The following HOMER1 variants were observed in gnomAD, a reference collection of about 807,000 sequenced individuals.
HOMER1 encodes homer scaffold protein 1.
A neutral mutation model predicts 48.9 loss-of-function variants in HOMER1; 3 were observed. The observed-to-expected ratio is 0.06, with a 90% CI of 0.03 to 0.16. The LOEUF is 0.16. Among genes scored for constraint, HOMER1 ranks in the 10% least tolerant of loss-of-function variants. HOMER1 has a pLI of 1.00. For synonymous variants in HOMER1, 134 were observed against 146.4 expected (o/e 0.92, Z 0.61); for missense variants, 247 against 411.4 (o/e 0.60, Z 3.46).
rs1180369749 is a variant in HOMER1 at position 79,417,231 on chromosome 5, C to T, written c.528-15176G>A. Among the ~76,000 whole-genome samples the T allele has an allele frequency of 2.6e-5, 4 of 152,118 alleles. No individual in the cohort carries two copies. The East Asian group carries it at 7.7e-4, about 29-fold the overall frequency. On this transcript the variant is annotated intron_variant, in intron 5 of 8. Transcript: ENST00000334082. Reference sequence around the variant, plus strand: ...AATCTCGGCTCACTGAAAGCTCCGCCTCCCGGGTTCACGCCATTCTCCTGC... The same window carrying T: ...AATCTCGGCTCACTGAAAGCTCCGCTTCCCGGGTTCACGCCATTCTCCTGC...
intron 4 of HOMER1, among the ~76,000 whole-genome samples, chr5:79,441,410 G>C (rs777697181): frequency 2.6e-5 from 4 of 152,068 alleles, no homozygotes; most frequent in Non-Finnish European, 5.9e-5. Context: ...GGAACTTGGG[G>C]AGGCTACAAA....
At chr5:79,400,257 C>A (rs1749499028) in intron 6 of HOMER1, among the ~76,000 whole-genome samples, 1 of 152,066 alleles carries the variant, frequency 6.6e-6, no homozygotes, top group African/African-American at 2.4e-5. Flanking sequence ...TCTCCTTTCC[C>A]CCACCTCTCT....
chr5:79,497,461 C>T (rs927778533), intron 1 of HOMER1, among the ~76,000 whole-genome samples: 8 of 151,690 alleles, frequency 5.3e-5, no homozygotes, highest in African/African-American at 1.9e-4. Context: ...ACTAGCCTGG[C>T]CAACATGGCA....
At chr5:79,420,748 C>G (rs1447663789) in intron 5 of HOMER1, among the ~76,000 whole-genome samples, 3 of 152,286 alleles carry the variant, frequency 2.0e-5, no homozygotes, top group Admixed American at 1.3e-4. Flanking sequence ...CCCCATGGAT[C>G]ACTACCTCCA....
chr5:79,385,975 T>G (rs1054910259), intron 8 of HOMER1, among the ~76,000 whole-genome samples: 12 of 151,594 alleles, frequency 7.9e-5, no homozygotes, highest in African/African-American at 2.7e-4. Flanking sequence ...GAACAGATGC[T>G]GGTGAGGATA....
At chr5:79,432,652 A>T (rs1400566524) in intron 5 of HOMER1, among the ~76,000 whole-genome samples, 1 of 152,222 alleles carries the variant, frequency 6.6e-6, no homozygotes, top group Non-Finnish European at 1.5e-5. Flanking sequence ...GTTCTTAAAA[A>T]AAATCAAGAC....
In HOMER1 at chr5:79,402,067, C is replaced by G; in HGVS notation, c.528-12G>C. The stretch of plus-strand genomic sequence containing the variant: ...TGCTGATTGCTGAACTAAAATAAAA[C>G]AAAAAGAAAATTCTATCCATTACAC... On this transcript the variant is annotated splice_polypyrimidine_tract_variant and intron_variant, in intron 5 of 8. Coordinates refer to ENST00000334082, the MANE Select transcript of HOMER1 (RefSeq NM_004272.5). The G allele has an allele frequency of 6.2e-7, 1 of 1,607,180 alleles. No homozygotes were observed. Among genetic ancestry groups the G allele is most frequent in the Non-Finnish European group, 8.5e-7 (1 of 1,178,286 alleles).
At chr5:79,397,349 C>T (rs1487857832) in intron 7 of HOMER1, among the ~76,000 whole-genome samples, 178 bp downstream of exon 7, 1 of 152,024 alleles carries the variant, frequency 6.6e-6, no homozygotes, top group South Asian at 2.1e-4. Context: ...TTCATAATAA[C>T]AGAAATAAGG....
At chr5:79,418,341 C>T (rs908674037) in intron 5 of HOMER1, among the ~76,000 whole-genome samples, 11 of 152,272 alleles carry the variant, frequency 7.2e-5, no homozygotes, top group African/African-American at 2.6e-4. Flanking sequence ...CTTCTAAAGC[C>T]TTCCTGATCG....
At chr5:79,385,604 G>A (rs756839132) in intron 8 of HOMER1, among the ~76,000 whole-genome samples, 3 of 152,104 alleles carry the variant, frequency 2.0e-5, no homozygotes, top group Non-Finnish European at 4.4e-5. Flanking sequence ...CACTGTGGGA[G>A]ACTGAGGCAG....
chr5:79,452,178 G>T (rs1158058703), intron 2 of HOMER1, among the ~76,000 whole-genome samples: 2 of 152,116 alleles, frequency 1.3e-5, no homozygotes, highest in African/African-American at 4.8e-5. Flanking sequence ...AAGTGAACCT[G>T]CATAATTCAA....
intron 7 of HOMER1, 126 bp downstream of exon 7, chr5:79,397,401 T>A: frequency 1.5e-6 from 1 of 663,728 alleles, no homozygotes; most frequent in Non-Finnish European, 2.6e-6. Flanking sequence ...TCAAGAAAAA[T>A]TTCATCCTAA....
At chr5:79,401,513 C>T (rs1749536587) in intron 6 of HOMER1, among the ~76,000 whole-genome samples, 1 of 152,166 alleles carries the variant, frequency 6.6e-6, no homozygotes, top group Admixed American at 6.5e-5. Context: ...AGCATTCCCG[C>T]TTCACCGTCA....
At chr5:79,379,326 T>A (rs1748891033) in intron 8 of HOMER1, among the ~76,000 whole-genome samples, 1 of 108,480 alleles carries the variant, frequency 9.2e-6, no homozygotes, top group Admixed American at 1.3e-4. Flanking sequence ...ATATAAATAT[T>A]TATATATATT....
chr5:79,400,997 A>T (rs1040427135), intron 6 of HOMER1, among the ~76,000 whole-genome samples: 4 of 148,572 alleles, frequency 2.7e-5, no homozygotes, highest in Non-Finnish European at 4.5e-5. Context: ...CTAATCTCAA[A>T]CTCTTGGCCT....
intron 1 of HOMER1, among the ~76,000 whole-genome samples, chr5:79,508,839 CA>C (rs1752851334): frequency 6.6e-6 from 1 of 152,046 alleles, no homozygotes; most frequent in Non-Finnish European, 1.5e-5. Flanking sequence ...GCCCAACTTC[CA>C]AAGTATAAAC....
chr5:79,393,838 C>T (rs1385850102), intron 8 of HOMER1, among the ~76,000 whole-genome samples: 2 of 152,056 alleles, frequency 1.3e-5, no homozygotes, highest in African/African-American at 2.4e-5. Context: ...TCTATGCAGC[C>T]ATTGGGCTTA....
At chr5:79,418,953 A>C (rs1750023182) in intron 5 of HOMER1, among the ~76,000 whole-genome samples, 1 of 152,218 alleles carries the variant, frequency 6.6e-6, no homozygotes, top group Non-Finnish European at 1.5e-5. Flanking sequence ...CAAAAGGAAA[A>C]GTTGGGATCA....
rs545160821 is a variant in HOMER1, at chr5:79,480,615, T to G, written c.6-23597A>C. 4.6e-5 allele frequency among the ~76,000 whole-genome samples: 7 copies of G among 152,378 alleles called. No individual in the cohort carries two copies. In the South Asian group the frequency reaches 1.4e-3, roughly 32 times the overall value. The stretch of plus-strand genomic sequence containing the variant: ...ATTTTCTCACTCTAAGACAGCCATA[T>G]GCCCATGTAAGTTATTATACCTTTA... On this transcript the variant is annotated intron_variant, in intron 1 of 8. Coordinates refer to ENST00000334082, the MANE Select transcript of HOMER1 (RefSeq NM_004272.5).
Sources: gnomAD v4.1 joint callset for allele counts (sites outside exome capture counted in the v4.1 genomes callset) on GRCh38, gnomAD v4.1.1 for gene constraint, MANE v1.5 for transcripts, NCBI Gene and HGNC (gene_info 2026-07-23, HGNC 2026-07-21) for gene names.